The following SOX5 variants were observed in gnomAD, a reference collection of about 807,000 sequenced individuals.
SOX5 encodes SRY-box transcription factor 5, also known as transcription factor SOX-5.
In SOX5, 9 loss-of-function variants were observed where a neutral mutation model predicts 92.0. That is an observed-to-expected ratio of 0.10 (90% CI 0.06 to 0.17). The LOEUF is 0.17. Among genes scored for constraint, SOX5 ranks in the 10% least tolerant of loss-of-function variants. SOX5 has a pLI of 1.00. For synonymous variants in SOX5, 344 were observed against 336.3 expected (o/e 1.02, Z -0.25); for missense variants, 642 against 944.5 (o/e 0.68, Z 4.20).
rs563969655 is a variant in SOX5, at chr12:24,047,115, T to C, written c.-1-151091A>G. ...TTGGTTTTTCAGATACCTCTAGAATTTCAAAGAGACAGTAGGGTGACAATC... is the reference window on the plus strand; with the variant it reads ...TTGGTTTTTCAGATACCTCTAGAATCTCAAAGAGACAGTAGGGTGACAATC... On this transcript the variant is annotated intron_variant, in intron 4 of 4. Transcript: ENST00000446891. Among the ~76,000 whole-genome samples, 23 of 152,312 alleles carry C rather than the reference T, an allele frequency of 1.5e-4. No homozygotes were observed. In the East Asian group the frequency reaches 4.4e-3, roughly 29 times the overall value.
At chr12:23,708,798 A>T (rs1232286962) in intron 6 of SOX5, among the ~76,000 whole-genome samples, 1 of 152,196 alleles carries the variant, frequency 6.6e-6, no homozygotes, top group Non-Finnish European at 1.5e-5. Context: ...CAAAGTTTTG[A>T]AGTTAGATGA....
intron 9 of SOX5, 124 bp downstream of exon 9, chr12:23,604,263 G>T: frequency 1.1e-6 from 1 of 950,968 alleles, no homozygotes; most frequent in South Asian, 1.5e-5. Flanking sequence ...GCCCTTACTT[G>T]ATTCTTACCT....
intron 2 of SOX5, among the ~76,000 whole-genome samples, chr12:23,875,134 T>A (rs1235398599): frequency 6.6e-6 from 1 of 152,182 alleles, no homozygotes; most frequent in Non-Finnish European, 1.5e-5. Context: ...TAACTAATAG[T>A]TGAGGGGGAG....
At chr12:24,126,874 T>C (rs1022614340) in intron 4 of SOX5, among the ~76,000 whole-genome samples, 3 of 152,144 alleles carry the variant, frequency 2.0e-5, no homozygotes, top group Non-Finnish European at 4.4e-5. Context: ...TGTCTCCCTA[T>C]ATGGAACTCC....
rs138028514 is a variant in SOX5 at position 23,714,857 on chromosome 12, T to G, written c.810+19827A>C. Among the ~76,000 whole-genome samples, 218 of 152,278 alleles carry G rather than the reference T, an allele frequency of 1.4e-3. 3 individuals carry two copies. Among genetic ancestry groups the G allele is most frequent in the Admixed American group, 0.013 (202 of 15,298 alleles). ...GAATTTTAGTCATACTTTGTAAAAT[T>G]TATTTATAAAGTTTGATCAAATTTC... On this transcript the variant is annotated intron_variant, in intron 6 of 14. Coordinates refer to ENST00000451604, the MANE Select transcript of SOX5 (RefSeq NM_006940.6).
intron 2 of SOX5, among the ~76,000 whole-genome samples, chr12:24,351,137 C>T (rs1453854776): frequency 6.6e-6 from 1 of 152,086 alleles, no homozygotes; most frequent in African/African-American, 2.4e-5. Context: ...ACTGATTATC[C>T]TTTATATTGT....
chr12:24,201,869 C>T (rs371552734), intron 4 of SOX5, among the ~76,000 whole-genome samples: 4 of 152,152 alleles, frequency 2.6e-5, no homozygotes, highest in Admixed American at 6.5e-5. Context: ...TAACACACAT[C>T]GATGGAACTT....
intron 4 of SOX5, among the ~76,000 whole-genome samples, chr12:24,194,787 T>C (rs1460160262): frequency 2.0e-5 from 3 of 152,098 alleles, no homozygotes; most frequent in Admixed American, 6.6e-5. Flanking sequence ...GCATAAATCA[T>C]TTAATATGTC....
intron 4 of SOX5, among the ~76,000 whole-genome samples, chr12:23,998,971 G>C (rs1166774463): frequency 6.6e-6 from 1 of 151,884 alleles, no homozygotes; most frequent in Non-Finnish European, 1.5e-5. Context: ...TAATCATCAA[G>C]TTATTAAAAG....
At chr12:24,128,812 G>A (rs565430146) in intron 4 of SOX5, among the ~76,000 whole-genome samples, 11 of 152,268 alleles carry the variant, frequency 7.2e-5, no homozygotes, top group South Asian at 4.1e-4. Context: ...GATTGATATC[G>A]TCCTTGGGCT....
rs945928340 is a variant in SOX5 at position 24,329,703 on chromosome 12, C to T, written c.-174+38860G>A. 1.1e-4 allele frequency among the ~76,000 whole-genome samples: 17 copies of T among 151,942 alleles called. No homozygotes were observed. The South Asian group carries it at 1.9e-3, about 17-fold the overall frequency. On this transcript the variant is annotated intron_variant, in intron 2 of 4. Transcript: ENST00000446891. ...TGGTTGGTGATGTGTTGTTAATTTTCGATATAAGGGAAAATGGTATTTAAA... is the reference window on the plus strand; with the variant it reads ...TGGTTGGTGATGTGTTGTTAATTTTTGATATAAGGGAAAATGGTATTTAAA...
intron 5 of SOX5, among the ~76,000 whole-genome samples, chr12:23,736,181 GC>G (rs2093585158): frequency 6.6e-6 from 1 of 151,780 alleles, no homozygotes; most frequent in South Asian, 2.1e-4. Flanking sequence ...AAATCTCTTG[GC>G]CGGGTGTGGT....
At chr12:23,577,150 TACACAC>T (rs1197912028) in intron 9 of SOX5, among the ~76,000 whole-genome samples, 12 of 117,596 alleles carry the variant, frequency 1.0e-4, no homozygotes, top group East Asian at 4.6e-4. Context: ...TATATATATA[TACACAC>T]ACACACACAC....
At chr12:23,893,520 G>A (rs948359038) in intron 2 of SOX5, among the ~76,000 whole-genome samples, 5 of 151,628 alleles carry the variant, frequency 3.3e-5, no homozygotes, top group African/African-American at 9.7e-5. Context: ...ACTACATTAT[G>A]TATGTATCAG....
chr12:23,855,156 C>A (rs184411776), intron 2 of SOX5, among the ~76,000 whole-genome samples: 1 of 151,834 alleles, frequency 6.6e-6, no homozygotes, highest in Admixed American at 6.6e-5. Flanking sequence ...ATAGAATATG[C>A]CTATACAAGC....
chr12:23,541,426 A>G (rs1403465563), intron 13 of SOX5, among the ~76,000 whole-genome samples: 1 of 152,200 alleles, frequency 6.6e-6, no homozygotes, highest in East Asian at 1.9e-4. Flanking sequence ...AAATATGCTT[A>G]CATAAAGTAT....
At chr12:23,957,317 G>A (rs989432476) in intron 4 of SOX5, among the ~76,000 whole-genome samples, 2 of 152,124 alleles carry the variant, frequency 1.3e-5, no homozygotes, top group African/African-American at 4.8e-5. Context: ...CTAATTTTAT[G>A]ACTAAGTTCA....
intron 3 of SOX5, among the ~76,000 whole-genome samples, chr12:23,806,034 AT>A (rs1277185332): frequency 3.9e-5 from 6 of 152,196 alleles, no homozygotes; most frequent in African/African-American, 1.4e-4. Context: ...TAGATGATCA[AT>A]TTTATGAGTA....
chr12:23,815,934 G>A (rs551315140), intron 3 of SOX5, among the ~76,000 whole-genome samples: 21 of 152,176 alleles, frequency 1.4e-4, no homozygotes, highest in African/African-American at 4.1e-4. Flanking sequence ...CCATTGTAGC[G>A]TTACATTACA....
Sources: allele counts gnomAD v4.1 joint callset (sites outside exome capture counted in the v4.1 genomes callset), GRCh38; gene constraint gnomAD v4.1.1; transcripts MANE v1.5; gene names NCBI Gene and HGNC (gene_info 2026-07-23, HGNC 2026-07-21).